The following GBF1 variants were observed in gnomAD, a reference collection of about 807,000 sequenced individuals.
GBF1 encodes golgi brefeldin A resistant guanine nucleotide exchange factor 1, also known as Golgi-specific brefeldin A-resistance guanine nucleotide exchange factor 1.
In GBF1, 114 loss-of-function variants were observed where a neutral mutation model predicts 210.5. The observed-to-expected ratio is 0.54, with a 90% CI of 0.47 to 0.63. GBF1 has a LOEUF of 0.63. GBF1 is among the 30% of genes least tolerant of loss of function. The pLI, the probability that GBF1 is intolerant of heterozygous loss-of-function variation, is 0.00. For missense variants in GBF1, 1,851 were observed against 2,357.7 expected, an observed-to-expected ratio of 0.79 and a Z score of 4.45; for synonymous variants, 850 against 889.2, an observed-to-expected ratio of 0.96 and a Z score of 0.78.
At chr10:102,348,093 CG>C (rs1189629814) in intron 4 of GBF1, among the ~76,000 whole-genome samples, 11 of 152,188 alleles carry the variant, frequency 7.2e-5, no homozygotes, top group African/African-American at 2.6e-4. Flanking sequence ...TGCACCACCA[CG>C]CCCGGCTAAT....
Position 102,379,434 on chromosome 10 carries a change from G to A in GBF1, c.4645G>A (p.Gly1549Ser). 1 of 1,614,048 alleles carries A rather than the reference G, an allele frequency of 6.2e-7. No homozygotes were observed. The highest frequency in any genetic ancestry group is 8.5e-7 in the Non-Finnish European group (1 of 1,180,008). Residue 1549 changes from glycine to serine, a missense_variant and splice_region_variant, in exon 34 of 40, where the codon GGT becomes AGT. By Grantham distance (56) the Gly-to-Ser change is moderately conservative. Coordinates refer to ENST00000369983, the MANE Select transcript of GBF1 (RefSeq NM_001377137.1). ...CCACTGCTGGTGCCCTTTACTGCAG[G>A]GTAAACCAGGAGGGGCAGAGGTAGG... is the stretch of plus-strand genomic sequence containing the variant. ...WAHCWCPLLQ[G>S]IACLCCDARR...
intron 3 of GBF1, among the ~76,000 whole-genome samples, chr10:102,302,260 G>A (rs2077450469): frequency 2.8e-5 from 2 of 70,194 alleles, no homozygotes; most frequent in African/African-American, 7.3e-5. Flanking sequence ...CTGTGGAAAG[G>A]GAGAGGGAAA....
the GBF1 span, chr10:102,232,144 T>C: frequency 3.0e-6 from 3 of 1,008,958 alleles, no homozygotes; most frequent in African/African-American, 3.1e-5. Context: ...AATCTCCGGC[T>C]TAGCTAGGTC....
Position 102,358,132 on chromosome 10 carries a change from C to G in GBF1, c.733C>G (p.Pro245Ala). The change falls in exon 9 of 40, where the codon CCA (proline) becomes GCA (alanine). Residue 245 changes from proline (P) to alanine (A), a missense_variant. By Grantham distance (27) the Pro-to-Ala change is conservative. Around this residue, in one of 3 missense-constraint regions of GBF1, gnomAD observed 804 missense variants for 958.6 expected, o/e 0.84. Coordinates refer to ENST00000369983, the MANE Select transcript of GBF1 (RefSeq NM_001377137.1). Reference protein sequence around the residue: ...RPPRHMTKVTPGSELPTPNGT... With the variant: ...RPPRHMTKVTAGSELPTPNGT... The stretch of plus-strand genomic sequence containing the variant: ...CCCACGCCATATGACCAAAGTCACA[C>G]CAGGTTCAGAGCTGCCCACTCCCAA... The G allele has an allele frequency of 6.2e-7, 1 of 1,613,464 alleles. No individual in the cohort carries two copies. The highest frequency in any genetic ancestry group is 1.7e-4 in the Middle Eastern group (1 of 6,060).
the GBF1 span, among the ~76,000 whole-genome samples, chr10:102,239,409 C>T: frequency 6.6e-6 from 1 of 152,198 alleles, no homozygotes; most frequent in African/African-American, 2.4e-5. Flanking sequence ...TCCTTCATTT[C>T]ACCTATAATT....
intron 1 of GBF1, among the ~76,000 whole-genome samples, chr10:102,252,854 A>T (rs550675720): frequency 2.6e-5 from 4 of 152,224 alleles, no homozygotes; most frequent in Admixed American, 1.3e-4. Context: ...TTCAAAAAAA[A>T]AAAAGGAACT....
At chr10:102,377,363 A>G (rs550659201) in intron 33 of GBF1, among the ~76,000 whole-genome samples, 1 of 124,032 alleles carries the variant, frequency 8.1e-6, no homozygotes, top group African/African-American at 2.7e-5. Context: ...TTATTTATTT[A>G]TTTATTTTTT....
rs771601767 is a variant in GBF1, at chr10:102,370,817, G to A, written c.3617G>A (p.Arg1206His). The change falls in exon 29 of 40, where the codon CGC becomes CAC. Residue 1206 changes from arginine (R) to histidine (H), a missense_variant. By Grantham distance (29) the Arg-to-His change is conservative. Around this residue, in one of 3 missense-constraint regions of GBF1, gnomAD observed 967 missense variants for 1,247.7 expected, o/e 0.78. Coordinates refer to ENST00000369983, the MANE Select transcript of GBF1 (RefSeq NM_001377137.1). ...GAGCGGGCAGTGGTGGGGTTGCTAC[G>A]CCTGGCCATTCGGCTTCTCCGGAGA... is the stretch of plus-strand genomic sequence containing the variant. ...LVERAVVGLL[R>H]LAIRLLRREE... 22 of 1,614,154 alleles carry A rather than the reference G, an allele frequency of 1.4e-5. No homozygotes were observed. The highest frequency in any genetic ancestry group is 3.3e-5 in the Admixed American group (2 of 60,026).
intron 33 of GBF1, among the ~76,000 whole-genome samples, chr10:102,378,925 C>G (rs2060672356): frequency 6.6e-6 from 1 of 152,182 alleles, no homozygotes; most frequent in African/African-American, 2.4e-5. Context: ...CAGAGTGAGA[C>G]CCTGCCTCAA....
intron 6 of GBF1, 105 bp from the exon 7 acceptor site, chr10:102,352,353 A>G (rs1248825001): frequency 1.2e-6 from 1 of 827,552 alleles, no homozygotes; most frequent in Non-Finnish European, 2.1e-6. Flanking sequence ...TAAGTTTGGC[A>G]TAATCCTTGG....
chr10:102,268,521 A>G (rs1300025537), intron 3 of GBF1, among the ~76,000 whole-genome samples: 1 of 152,078 alleles, frequency 6.6e-6, no homozygotes, highest in Non-Finnish European at 1.5e-5. Context: ...TGAGGCCTGA[A>G]ACTTCTGAGT....
the GBF1 span, among the ~76,000 whole-genome samples, chr10:102,232,650 C>T: frequency 2.0e-5 from 3 of 152,148 alleles, no homozygotes; most frequent in South Asian, 6.2e-4. Context: ...CTACTGCACT[C>T]CAGCCTGGGT....
At chr10:102,369,643 T>C (rs2060097948) in intron 24 of GBF1, 68 bp from the exon 25 acceptor site, 3 of 1,430,644 alleles carry the variant, frequency 2.1e-6, no homozygotes, top group African/African-American at 1.4e-5. Context: ...CAGAGAACTT[T>C]GGTGGGTGGA....
At chr10:102,261,923 A>C (rs1590538949) in intron 3 of GBF1, among the ~76,000 whole-genome samples, 3 of 151,716 alleles carry the variant, frequency 2.0e-5, no homozygotes, top group Admixed American at 2.0e-4. Context: ...TGCTCAGCCC[A>C]TATTTTCTTT....
At chr10:102,334,631 G>A (rs747726457) in intron 3 of GBF1, among the ~76,000 whole-genome samples, 4 of 152,110 alleles carry the variant, frequency 2.6e-5, no homozygotes, top group African/African-American at 7.2e-5. Context: ...GGCACATCAC[G>A]AGGTCAGGAG....
chr10:102,376,144 C>A, intron 30 of GBF1, 128 bp from the exon 31 acceptor site: 1 of 692,372 alleles, frequency 1.4e-6, no homozygotes, highest in Non-Finnish European at 2.4e-6. Context: ...CCTCTGGTGA[C>A]AGAAATTAAA....
intron 33 of GBF1, among the ~76,000 whole-genome samples, chr10:102,377,932 A>G (rs1329168207): frequency 6.6e-6 from 1 of 152,118 alleles, no homozygotes. Context: ...CAAAAATGAC[A>G]AAAGTGGCTG....
At chr10:102,379,757 C>G (rs918946209) in intron 35 of GBF1, 96 bp from the exon 36 acceptor site, 60 of 1,469,212 alleles carry the variant, frequency 4.1e-5, no homozygotes, top group Non-Finnish European at 1.2e-5. Context: ...ATCATACCTT[C>G]CCTTCAGCTC....
chr10:102,231,329 T>C, the GBF1 span, among the ~76,000 whole-genome samples: 1 of 151,110 alleles, frequency 6.6e-6, no homozygotes, highest in Non-Finnish European at 1.5e-5. Context: ...GACAGTAGGA[T>C]GGGGTTGAGG....
Sources: gnomAD v4.1 joint callset for allele counts (sites outside exome capture counted in the v4.1 genomes callset) on GRCh38, gnomAD v4.1.1 for gene constraint, gnomAD v4.1.1 regional missense constraint, MANE v1.5 for transcripts, NCBI Gene and HGNC (gene_info 2026-07-23, HGNC 2026-07-21) for gene names.